Variants in MAGI1 observed in about 807,000 individuals in gnomAD.
The protein encoded by MAGI1 is membrane associated guanylate kinase, WW and PDZ domain containing 1, also known as membrane-associated guanylate kinase, WW and PDZ domain-containing protein 1.
Under a neutral mutation model 139.9 loss-of-function variants are expected in MAGI1, and 58 were observed. The ratio of observed to expected loss-of-function variants is 0.41; its 90% CI spans 0.34 to 0.52. The LOEUF is 0.52. Ranked by LOEUF, MAGI1 falls within the 20% of genes least tolerant of loss-of-function variation. The pLI, the probability that MAGI1 is intolerant of heterozygous loss-of-function variation, is 0.12. For synonymous variants in MAGI1, 812 were observed against 737.9 expected (o/e 1.10, Z -1.63); for missense variants, 1,874 against 1,901.6 (o/e 0.99, Z 0.27).
chr3:65,726,816 C>T (rs1367675670), intron 1 of MAGI1, among the ~76,000 whole-genome samples: 1 of 151,940 alleles, frequency 6.6e-6, no homozygotes, highest in Non-Finnish European at 1.5e-5. Context: ...GGCTTCAAAT[C>T]CCCAGGCAAG....
intron 1 of MAGI1, among the ~76,000 whole-genome samples, chr3:65,755,882 G>A (rs964971212): frequency 4.6e-5 from 7 of 152,142 alleles, no homozygotes; most frequent in African/African-American, 1.7e-4. Flanking sequence ...TTATCATGCT[G>A]CAATATAAAC....
At chr3:65,530,146 A>G (rs1019724480) in intron 2 of MAGI1, among the ~76,000 whole-genome samples, 1 of 152,200 alleles carries the variant, frequency 6.6e-6, no homozygotes. Context: ...AGCAAGATCA[A>G]CGCCATAATC....
At chr3:65,412,482 T>A (rs1945868931) in intron 12 of MAGI1, among the ~76,000 whole-genome samples, 1 of 152,250 alleles carries the variant, frequency 6.6e-6, no homozygotes, top group African/African-American at 2.4e-5. Flanking sequence ...TTATATTGTT[T>A]ATTGTTTACT....
At chr3:65,989,309 C>A (rs192719790) in intron 1 of MAGI1, among the ~76,000 whole-genome samples, 2 of 152,186 alleles carry the variant, frequency 1.3e-5, no homozygotes, top group African/African-American at 2.4e-5. Context: ...TCTGGCTGCA[C>A]GCTAGACTTG....
chr3:65,413,556 G>C (rs1052094939), intron 12 of MAGI1, among the ~76,000 whole-genome samples: 2 of 152,194 alleles, frequency 1.3e-5, no homozygotes, highest in Admixed American at 6.5e-5. Flanking sequence ...TGCTGAAAGA[G>C]TATCTGAACT....
At chr3:65,600,167 T>C (rs1347359447) in intron 2 of MAGI1, among the ~76,000 whole-genome samples, 1 of 152,196 alleles carries the variant, frequency 6.6e-6, no homozygotes, top group East Asian at 1.9e-4. Context: ...AAGAAAATGA[T>C]TGTACAGTAC....
At chr3:65,427,784 T>C (rs1241132470) in intron 12 of MAGI1, among the ~76,000 whole-genome samples, 3 of 152,160 alleles carry the variant, frequency 2.0e-5, no homozygotes, top group Non-Finnish European at 4.4e-5. Flanking sequence ...CGTGCAGGTA[T>C]GAAAGTGCTT....
chr3:65,519,781 T>C (rs1452156202), intron 2 of MAGI1, among the ~76,000 whole-genome samples: 2 of 152,206 alleles, frequency 1.3e-5, no homozygotes, highest in East Asian at 3.9e-4. Context: ...TGGTGGTTAT[T>C]ACAGTAATTG....
At chr3:65,580,418 C>T (rs1315683412) in intron 2 of MAGI1, among the ~76,000 whole-genome samples, 3 of 151,886 alleles carry the variant, frequency 2.0e-5, no homozygotes, top group African/African-American at 7.3e-5. Flanking sequence ...CAGCTACAGA[C>T]ATCAGAAGTG....
rs771632057 is a variant in MAGI1, at chr3:65,622,150, G to A, written c.314-62C>T. The A allele has an allele frequency of 2.6e-6, 3 of 1,151,900 alleles. No individual in the cohort carries two copies. In the African/African-American group the frequency reaches 4.6e-5, roughly 18 times the overall value. 71.4% of individuals were successfully genotyped at this position (1,151,900 alleles called of 1,614,324 possible). ...CACAGGGCCTCCTAGAAAAGAAGTA[G>A]CCAAGAACTGATTGCAAGAAAGCCA... On this transcript the variant is annotated intron_variant, in intron 1 of 22. Transcript: ENST00000402939.
At chr3:66,016,504 C>G (rs1245504724) in intron 1 of MAGI1, among the ~76,000 whole-genome samples, 1 of 152,220 alleles carries the variant, frequency 6.6e-6, no homozygotes, top group Non-Finnish European at 1.5e-5. Context: ...TACACACACC[C>G]TTTGCAAAGA....
intron 1 of MAGI1, among the ~76,000 whole-genome samples, chr3:65,808,231 C>A (rs1461080636): frequency 6.6e-6 from 1 of 152,116 alleles, no homozygotes; most frequent in African/African-American, 2.4e-5. Flanking sequence ...GTGATCCACC[C>A]GCCTTGGCCT....
intron 1 of MAGI1, among the ~76,000 whole-genome samples, chr3:65,681,766 G>A (rs1332268325): frequency 6.6e-6 from 1 of 152,182 alleles, no homozygotes; most frequent in African/African-American, 2.4e-5. Flanking sequence ...AAAATGAAAA[G>A]AACTTAAGAA....
chr3:65,538,535 T>C, intron 2 of MAGI1, among the ~76,000 whole-genome samples: 1 of 152,196 alleles, frequency 6.6e-6, no homozygotes, highest in South Asian at 2.1e-4. Context: ...CAAGTTAGGC[T>C]GGCATTGAAC....
chr3:65,398,228 T>C (rs13086093), intron 13 of MAGI1, among the ~76,000 whole-genome samples: 46,575 of 152,024 alleles, frequency 0.31, 7,540 homozygotes, highest in African/African-American at 0.38. Flanking sequence ...AAATAGAAGA[T>C]GATAGCTAGG....
In MAGI1 at chr3:65,356,201, A is replaced by G; in HGVS notation, c.*177T>C. On this transcript the variant is annotated 3_prime_UTR_variant, in exon 23 of 23. Transcript: ENST00000402939. ...TTCTTTAATATGATACATCAGGCAC[A>G]ATACTTTTCATATATATTTTTTCTT... 1 of 584,380 alleles carries G rather than the reference A, an allele frequency of 1.7e-6. No individual in the cohort carries two copies. The highest frequency in any genetic ancestry group is 2.8e-6 in the Non-Finnish European group (1 of 361,930). The allele number at this position is 584,380 out of a possible 1,614,324, so 36.2% of individuals were successfully genotyped here. A position where few individuals can be genotyped will look rare whatever the true frequency, so the allele number is the denominator to read the frequency against.
intron 1 of MAGI1, among the ~76,000 whole-genome samples, chr3:65,864,626 G>C (rs1254784464): frequency 6.6e-6 from 1 of 152,234 alleles, no homozygotes; most frequent in Admixed American, 6.5e-5. Context: ...TTCCCAGATT[G>C]AACCAGGTTA....
chr3:65,509,442 G>C (rs951828545), intron 2 of MAGI1, among the ~76,000 whole-genome samples: 1 of 152,278 alleles, frequency 6.6e-6, no homozygotes, highest in Middle Eastern at 3.4e-3. Flanking sequence ...AGGTCAGTGG[G>C]TGCGCGTACC....
At chr3:65,429,093 G>C (rs900625664) in intron 12 of MAGI1, among the ~76,000 whole-genome samples, 13 of 152,020 alleles carry the variant, frequency 8.6e-5, no homozygotes, top group African/African-American at 3.1e-4. Context: ...AAGTTCAGGA[G>C]ATTTAAAGGA....
Sources: allele counts gnomAD v4.1 joint callset (sites outside exome capture counted in the v4.1 genomes callset), GRCh38; gene constraint gnomAD v4.1.1; transcripts MANE v1.5; gene names NCBI Gene and HGNC (gene_info 2026-07-23, HGNC 2026-07-21).